ITSN2: variants seen among roughly 807,000 people sequenced by gnomAD.
The protein encoded by ITSN2 is intersectin 2, also known as intersectin-2.
ITSN2 carries 156 observed loss-of-function variants against 243.7 expected under a neutral mutation model. That is an observed-to-expected ratio of 0.64 (90% CI 0.56 to 0.73). The LOEUF is 0.73. ITSN2 is among the 30% of genes least tolerant of loss of function. The pLI is 0.00. For missense variants in ITSN2, 1,801 were observed against 1,996.1 expected (o/e 0.90, Z 1.86); for synonymous variants, 703 against 699.9 (o/e 1.00, Z -0.07).
intron 23 of ITSN2, among the ~76,000 whole-genome samples, chr2:24,255,019 A>G (rs1338979356): frequency 6.6e-6 from 1 of 152,198 alleles, no homozygotes; most frequent in Non-Finnish European, 1.5e-5. Flanking sequence ...AAATAAACAG[A>G]AGGGGAACCT....
intron 29 of ITSN2, among the ~76,000 whole-genome samples, chr2:24,229,593 A>C (rs1419053954): frequency 2.6e-5 from 4 of 152,220 alleles, no homozygotes; most frequent in Non-Finnish European, 5.9e-5. Flanking sequence ...TGTCTCAACA[A>C]CAACACAAAG....
At chr2:24,215,019 A>G (rs891538121) in intron 32 of ITSN2, among the ~76,000 whole-genome samples, 1 of 152,232 alleles carries the variant, frequency 6.6e-6, no homozygotes, top group African/African-American at 2.4e-5. Flanking sequence ...CATCAATGCA[A>G]ATAACTTCTC....
chr2:24,218,349 G>A (rs1670155590), intron 30 of ITSN2, among the ~76,000 whole-genome samples: 1 of 152,210 alleles, frequency 6.6e-6, no homozygotes, highest in Non-Finnish European at 1.5e-5. Flanking sequence ...AAGCTTGCAG[G>A]ATTGAGGAAG....
rs190446592 is a variant in ITSN2 at position 24,295,547 on chromosome 2, G to T, written c.1635+117C>A. 3.3e-3 allele frequency: 2,252 copies of T among 690,728 alleles called. 14 individuals carry two copies. The highest frequency in any genetic ancestry group is 9.2e-3 in the South Asian group (259 of 28,210). 42.8% of individuals were successfully genotyped at this position (690,728 alleles called of 1,614,324 possible). A position where few individuals can be genotyped will look rare whatever the true frequency, so the allele number is the denominator to read the frequency against. ...TGGTCTCGAACTCCTGACCTCAGGG[G>T]ATCCACCCGCCTCAGCCTCCCAAAG... On this transcript the variant is annotated intron_variant, in intron 14 of 39. Transcript: ENST00000355123.
chr2:24,315,261 G>T, intron 2 of ITSN2, 37 bp from the exon 3 acceptor site: 1 of 1,108,084 alleles, frequency 9.0e-7, no homozygotes, highest in Non-Finnish European at 1.4e-6. Flanking sequence ...GTGTATACAT[G>T]AGAATGCTTA....
chr2:24,337,961 A>G (rs1394263508), intron 1 of ITSN2, among the ~76,000 whole-genome samples: 3 of 152,134 alleles, frequency 2.0e-5, no homozygotes, highest in Non-Finnish European at 4.4e-5. Flanking sequence ...ATGTAAACCA[A>G]AAATAAAATT....
Position 24,264,284 on chromosome 2 carries a change from G to A in ITSN2, c.2356-2542C>T, listed in dbSNP as rs554448525. Among the ~76,000 whole-genome samples, 3 of 151,994 alleles carry A rather than the reference G, an allele frequency of 2.0e-5. No individual in the cohort carries two copies. The East Asian group carries it at 5.8e-4, about 29-fold the overall frequency. ...CACATGCCTGTGGTCCCAGCTACTC[G>A]GGAGGTGGAGGCAGGAGAATCGCTT... On this transcript the variant is annotated intron_variant, in intron 20 of 39. Coordinates refer to ENST00000355123, the MANE Select transcript of ITSN2 (RefSeq NM_006277.3).
chr2:24,303,263 C>T (rs1159294337), intron 9 of ITSN2, among the ~76,000 whole-genome samples: 1 of 152,052 alleles, frequency 6.6e-6, no homozygotes, highest in Non-Finnish European at 1.5e-5. Flanking sequence ...TGGCTCCATG[C>T]GTGTTATTGC....
chr2:24,219,855 A>T (rs991885201), intron 30 of ITSN2, among the ~76,000 whole-genome samples: 4 of 152,228 alleles, frequency 2.6e-5, no homozygotes, highest in African/African-American at 7.2e-5. Context: ...TAGGCCATCT[A>T]TCCTGGCCAG....
intron 1 of ITSN2, among the ~76,000 whole-genome samples, chr2:24,344,978 A>G (rs1407625700): frequency 1.3e-5 from 2 of 152,164 alleles, no homozygotes; most frequent in African/African-American, 4.8e-5. Context: ...AGTAAAAATA[A>G]ACGGGTAAAA....
chr2:24,295,356 G>T (rs1680812936), intron 14 of ITSN2, among the ~76,000 whole-genome samples: 1 of 152,160 alleles, frequency 6.6e-6, no homozygotes, highest in South Asian at 2.1e-4. Context: ...ATCCATGCTG[G>T]AGTACAGTGG....
chr2:24,303,914 T>C (rs1325276937), intron 8 of ITSN2, 52 bp from the exon 9 acceptor site: 4 of 1,199,124 alleles, frequency 3.3e-6, no homozygotes, highest in Non-Finnish European at 3.7e-6. Flanking sequence ...TTTAAAGTTA[T>C]GCATAACAAA....
intron 1 of ITSN2, among the ~76,000 whole-genome samples, chr2:24,341,145 A>G (rs1429826359): frequency 6.6e-6 from 1 of 152,216 alleles, no homozygotes; most frequent in African/African-American, 2.4e-5. Context: ...CAGTAATATT[A>G]ACCAAGATAG....
Position 24,209,300 on chromosome 2 carries a change from T to C in ITSN2, c.4474-79A>G, listed in dbSNP as rs532454831. On this transcript the variant is annotated intron_variant, in intron 35 of 39. Coordinates refer to ENST00000355123, the MANE Select transcript of ITSN2 (RefSeq NM_006277.3). ...CCGCCTATGTCCAGAGAGAGTTCTG[T>C]TTGTTCTGAAGAGCCTTGTTGAGAA... The C allele has an allele frequency of 1.1e-5, 18 of 1,569,372 alleles. No homozygotes were observed. In the African/African-American group the frequency reaches 1.7e-4, roughly 15 times the overall value.
At chr2:24,258,904 A>C (rs1226999832) in intron 22 of ITSN2, among the ~76,000 whole-genome samples, 2 of 152,278 alleles carry the variant, frequency 1.3e-5, no homozygotes, top group East Asian at 1.9e-4. Flanking sequence ...GTAGTTCCTG[A>C]AGCTGACTCT....
chr2:24,244,538 G>A (rs765975841), intron 29 of ITSN2, among the ~76,000 whole-genome samples: 38 of 151,972 alleles, frequency 2.5e-4, no homozygotes, highest in Non-Finnish European at 1.5e-4. Flanking sequence ...CTGACACACC[G>A]GCATGCCTTC....
intron 21 of ITSN2, 56 bp from the exon 22 acceptor site, chr2:24,261,306 T>A: frequency 7.8e-7 from 1 of 1,281,686 alleles, no homozygotes; most frequent in Non-Finnish European, 1.1e-6. Context: ...CTTAATGAAG[T>A]ACTACCAATT....
intron 29 of ITSN2, among the ~76,000 whole-genome samples, chr2:24,233,522 T>C (rs1417072126): frequency 6.6e-6 from 1 of 152,180 alleles, no homozygotes; most frequent in Non-Finnish European, 1.5e-5. Context: ...CAGCTCCCAG[T>C]TAATGGAAAG....
intron 29 of ITSN2, chr2:24,240,324 T>C (rs1672581996): frequency 6.6e-6 from 1 of 152,278 alleles, no homozygotes; most frequent in Non-Finnish European, 1.5e-5. Flanking sequence ...TTGCACTCTT[T>C]CAGTGAATGC....
Sources: allele counts gnomAD v4.1 joint callset (sites outside exome capture counted in the v4.1 genomes callset), GRCh38; gene constraint gnomAD v4.1.1; transcripts MANE v1.5; gene names NCBI Gene and HGNC (gene_info 2026-07-23, HGNC 2026-07-21).